The following MIER1 variants were observed in gnomAD, a reference collection of about 807,000 sequenced individuals.
MIER1 encodes the protein mesoderm induction early response protein 1.
In MIER1, 40 loss-of-function variants were observed where a neutral mutation model predicts 75.7. The ratio of observed to expected loss-of-function variants is 0.53; its 90% CI spans 0.41 to 0.69. MIER1 has a LOEUF of 0.69. Among genes scored for constraint, MIER1 ranks in the 30% least tolerant of loss-of-function variants. MIER1 has a pLI of 0.00. For synonymous variants in MIER1, 213 were observed against 223.4 expected, an observed-to-expected ratio of 0.95 and a Z score of 0.42; for missense variants, 574 against 680.2, an observed-to-expected ratio of 0.84 and a Z score of 1.74.
intron 4 of MIER1, 79 bp from the exon 5 acceptor site, chr1:66,957,980 T>C (rs1425604375): frequency 1.2e-6 from 1 of 830,836 alleles, no homozygotes; most frequent in East Asian, 2.7e-5. Flanking sequence ...GAATGAATAC[T>C]CCACAGATTT....
chr1:66,957,519 C>A (rs1315998307), intron 4 of MIER1, among the ~76,000 whole-genome samples: 1 of 151,042 alleles, frequency 6.6e-6, no homozygotes, highest in Non-Finnish European at 1.5e-5. Flanking sequence ...ATGGAGATAA[C>A]CATAGAGAAG....
intron 12 of MIER1, among the ~76,000 whole-genome samples, chr1:66,978,342 C>T (rs1665184183): frequency 6.6e-6 from 1 of 152,118 alleles, no homozygotes; most frequent in African/African-American, 2.4e-5. Flanking sequence ...CTAAAGCCCA[C>T]AGTAAAACAA....
At chr1:66,927,923 G>C (rs1286263402) in intron 2 of MIER1, among the ~76,000 whole-genome samples, 1 of 152,114 alleles carries the variant, frequency 6.6e-6, no homozygotes, top group Non-Finnish European at 1.5e-5. Flanking sequence ...ATACTGAAGA[G>C]GGTAAGTAAG....
intron 12 of MIER1, among the ~76,000 whole-genome samples, chr1:66,980,702 C>G (rs537600560): frequency 6.6e-6 from 1 of 152,106 alleles, no homozygotes; most frequent in South Asian, 2.1e-4. Flanking sequence ...TATTGAGTTT[C>G]TTTCTGTTCT....
At chr1:66,966,822 T>C (rs1218445234) in intron 8 of MIER1, among the ~76,000 whole-genome samples, 2 of 152,210 alleles carry the variant, frequency 1.3e-5, no homozygotes, top group Non-Finnish European at 2.9e-5. Flanking sequence ...TTTTGAGAAA[T>C]GTCTCTTCAG....
intron 2 of MIER1, among the ~76,000 whole-genome samples, chr1:66,937,798 AT>A (rs1655269922): frequency 6.6e-6 from 1 of 152,210 alleles, no homozygotes; most frequent in Non-Finnish European, 1.5e-5. Context: ...TCAAATACCA[AT>A]TTTTTAGAAA....
intron 2 of MIER1, 119 bp from the exon 3 acceptor site, chr1:66,939,909 C>A: frequency 2.8e-6 from 2 of 706,604 alleles, no homozygotes; most frequent in African/African-American, 1.8e-5. Flanking sequence ...AACTAAAATG[C>A]AGACATTAAA....
intron 4 of MIER1, 87 bp downstream of exon 4, chr1:66,946,382 A>G: frequency 6.8e-7 from 1 of 1,465,360 alleles, no homozygotes; most frequent in Non-Finnish European, 9.0e-7. Context: ...TCTGATTAGG[A>G]GAGAAATTGT....
At chr1:66,930,079 C>T (rs1275547742) in intron 2 of MIER1, among the ~76,000 whole-genome samples, 1 of 152,058 alleles carries the variant, frequency 6.6e-6, no homozygotes, top group Admixed American at 6.5e-5. Context: ...CACCTCCTCC[C>T]ACACCCACCT....
At chr1:66,957,268 G>A (rs1376715289) in intron 4 of MIER1, among the ~76,000 whole-genome samples, 2 of 152,032 alleles carry the variant, frequency 1.3e-5, no homozygotes, top group South Asian at 2.1e-4. Flanking sequence ...TTTCATCCAC[G>A]GAGGGTCTGA....
At chr1:66,953,667 A>G (rs1659494854) in intron 4 of MIER1, among the ~76,000 whole-genome samples, 1 of 151,158 alleles carries the variant, frequency 6.6e-6, no homozygotes, top group Admixed American at 6.6e-5. Flanking sequence ...GCAGTGACAC[A>G]ATCTCAGCTC....
chr1:66,955,635 T>G (rs1282501827), intron 4 of MIER1, among the ~76,000 whole-genome samples: 1 of 152,130 alleles, frequency 6.6e-6, no homozygotes, highest in Non-Finnish European at 1.5e-5. Flanking sequence ...AACACAGTTA[T>G]AAAAATTAAA....
chr1:66,930,451 C>G (rs1258776918), intron 2 of MIER1: 2 of 1,593,014 alleles, frequency 1.3e-6, no homozygotes, highest in Admixed American at 1.7e-5. Context: ...GCCCCCGGCC[C>G]TGGGCCGGGG....
Position 66,986,275 on chromosome 1 carries a change from C to G in MIER1, c.*1375C>G. ...CAGATAGGATTATCCATCTGCATAGCCTTGTAAAAGTGCCATTTTATTTTT... is the reference window on the plus strand; with the variant it reads ...CAGATAGGATTATCCATCTGCATAGGCTTGTAAAAGTGCCATTTTATTTTT... On this transcript the variant is annotated 3_prime_UTR_variant, in exon 14 of 14. Transcript: ENST00000401041. 6.9e-7 allele frequency: 1 copy of G among 1,445,356 alleles called. No homozygotes were observed. The highest frequency in any genetic ancestry group is 9.0e-7 in the Non-Finnish European group (1 of 1,106,454). 89.5% of individuals were successfully genotyped at this position (1,445,356 alleles called of 1,614,324 possible).
chr1:66,970,120 T>G (rs1663304412), intron 8 of MIER1, among the ~76,000 whole-genome samples: 1 of 152,220 alleles, frequency 6.6e-6, no homozygotes, highest in Non-Finnish European at 1.5e-5. Flanking sequence ...TTGTCTTAGG[T>G]CATCCTCCTT....
intron 4 of MIER1, among the ~76,000 whole-genome samples, chr1:66,952,931 C>T (rs767554322): frequency 6.6e-6 from 1 of 152,220 alleles, no homozygotes; most frequent in Non-Finnish European, 1.5e-5. Context: ...AGGCGTGAGC[C>T]GTGTCCCACC....
At chr1:66,930,254 G>A in intron 2 of MIER1, 2 of 1,501,534 alleles carry the variant, frequency 1.3e-6, no homozygotes, top group Non-Finnish European at 1.8e-6. Context: ...CGGCTCCTGC[G>A]CGTTCCCGCC....
intron 1 of MIER1, 183 bp downstream of exon 1, chr1:66,925,278 G>A (rs1651265429): frequency 1.0e-6 from 1 of 984,434 alleles, no homozygotes; most frequent in Non-Finnish European, 1.2e-6. Flanking sequence ...TCCGCCGGCT[G>A]CCAAAGGCGC....
intron 11 of MIER1, among the ~76,000 whole-genome samples, chr1:66,976,238 G>A (rs1002636625): frequency 2.1e-4 from 31 of 150,476 alleles, no homozygotes; most frequent in African/African-American, 5.5e-4. Flanking sequence ...TCCTGACCTC[G>A]TGATCCACCC....
Sources: allele counts gnomAD v4.1 joint callset (sites outside exome capture counted in the v4.1 genomes callset), GRCh38; gene constraint gnomAD v4.1.1; transcripts MANE v1.5; gene names NCBI Gene and HGNC (gene_info 2026-07-23, HGNC 2026-07-21).